EEA1: variants seen among roughly 807,000 people sequenced by gnomAD.
EEA1 encodes the protein early endosome antigen 1, 162kD.
Under a neutral mutation model 209.2 loss-of-function variants are expected in EEA1, and 111 were observed. That is an observed-to-expected ratio of 0.53 (90% CI 0.45 to 0.62). EEA1 has a LOEUF of 0.62. EEA1 is among the 20% of genes least tolerant of loss of function. The pLI is 0.00. For missense variants in EEA1, 1,343 were observed against 1,530.8 expected, an observed-to-expected ratio of 0.88 and a Z score of 2.05; for synonymous variants, 536 against 540.6, an observed-to-expected ratio of 0.99 and a Z score of 0.12.
At chr12:92,875,079 G>T (rs1185068370) in intron 2 of EEA1, among the ~76,000 whole-genome samples, 1 of 152,132 alleles carries the variant, frequency 6.6e-6, no homozygotes, top group Non-Finnish European at 1.5e-5. Flanking sequence ...GTGGTATGGT[G>T]CTAAGAATAC....
chr12:92,776,729 T>G (rs1481518149), intron 28 of EEA1, 115 bp downstream of exon 28: 1 of 965,234 alleles, frequency 1.0e-6, no homozygotes, highest in East Asian at 2.5e-5. Flanking sequence ...TGTTAAAGTT[T>G]ACTGATAAAC....
chr12:92,779,998 T>C (rs1873834142), intron 24 of EEA1, among the ~76,000 whole-genome samples: 1 of 152,154 alleles, frequency 6.6e-6, no homozygotes. Context: ...AGCATAATTT[T>C]CTAAATCAAT....
chr12:92,834,353 G>A (rs1876810487), intron 10 of EEA1, among the ~76,000 whole-genome samples: 1 of 151,950 alleles, frequency 6.6e-6, no homozygotes, highest in South Asian at 2.1e-4. Flanking sequence ...AGACCAGCCT[G>A]GGCAATATAG....
intron 18 of EEA1, among the ~76,000 whole-genome samples, chr12:92,806,275 T>C (rs978517422): frequency 1.3e-5 from 2 of 152,192 alleles, no homozygotes; most frequent in African/African-American, 4.8e-5. Context: ...AATTGATTTT[T>C]AAAAAGACAA....
chr12:92,887,613 G>A (rs1457156342), intron 2 of EEA1, among the ~76,000 whole-genome samples: 2 of 151,864 alleles, frequency 1.3e-5, no homozygotes, highest in African/African-American at 4.8e-5. Flanking sequence ...CTATGACCAC[G>A]CTCCAGCCCA....
rs1877678984 is a variant in EEA1 at position 92,852,600 on chromosome 12, T to A, written c.521-304A>T. 2.0e-5 allele frequency among the ~76,000 whole-genome samples: 3 copies of A among 152,146 alleles called. No homozygotes were observed. The South Asian group carries it at 6.2e-4, about 31-fold the overall frequency. On this transcript the variant is annotated intron_variant, in intron 7 of 28. Coordinates refer to ENST00000322349, the MANE Select transcript of EEA1 (RefSeq NM_003566.4). ...ATAGTATAACCAAGTGTTACATTTA[T>A]ACTACATTATTTACTTCACTTCTTT... is the stretch of plus-strand genomic sequence containing the variant.
chr12:92,916,753 T>C (rs1257173436), intron 1 of EEA1, among the ~76,000 whole-genome samples: 1 of 127,952 alleles, frequency 7.8e-6, no homozygotes, highest in Non-Finnish European at 1.7e-5. Flanking sequence ...AGAATGACTT[T>C]GACGAGCTGA....
chr12:92,795,996 T>C (rs546690432), intron 21 of EEA1, among the ~76,000 whole-genome samples: 1 of 152,250 alleles, frequency 6.6e-6, no homozygotes, highest in East Asian at 1.9e-4. Flanking sequence ...CATTCATTCA[T>C]TTTTTTAAAA....
chr12:92,805,757 G>C (rs1875173947), intron 18 of EEA1, among the ~76,000 whole-genome samples: 1 of 152,104 alleles, frequency 6.6e-6, no homozygotes, highest in Non-Finnish European at 1.5e-5. Context: ...TGATGCTGCA[G>C]CTAAGCACTT....
intron 1 of EEA1, among the ~76,000 whole-genome samples, chr12:92,898,943 T>C (rs1880033429): frequency 7.1e-6 from 1 of 140,112 alleles, no homozygotes. Flanking sequence ...ACAGGTATCT[T>C]ACTCATGAGT....
intron 3 of EEA1, chr12:92,858,944 A>G: frequency 1.4e-6 from 1 of 701,150 alleles, no homozygotes; most frequent in Non-Finnish European, 2.6e-6. Flanking sequence ...TGAGGAAAGG[A>G]TTATACTAAG....
chr12:92,928,966 A>AG, intron 1 of EEA1, 77 bp downstream of exon 1: 1 of 1,466,350 alleles, frequency 6.8e-7, no homozygotes, highest in Non-Finnish European at 9.2e-7. Context: ...CGCGCTGAGG[A>AG]GGGGCGCCCG....
intron 2 of EEA1, among the ~76,000 whole-genome samples, chr12:92,885,442 C>G (rs1189192159): frequency 6.6e-6 from 1 of 152,162 alleles, no homozygotes; most frequent in Non-Finnish European, 1.5e-5. Flanking sequence ...GAGACAGAGA[C>G]AGAGACCAAC....
chr12:92,909,909 G>A (rs933855500), intron 1 of EEA1, among the ~76,000 whole-genome samples: 3 of 152,126 alleles, frequency 2.0e-5, no homozygotes, highest in African/African-American at 4.8e-5. Flanking sequence ...TTGGGAGACC[G>A]AGAAGGGTAG....
chr12:92,858,604 C>A, intron 3 of EEA1: 2 of 742,986 alleles, frequency 2.7e-6, no homozygotes, highest in South Asian at 1.4e-5. Context: ...TGGCACTTTG[C>A]CTGGGTTATG....
intron 17 of EEA1, among the ~76,000 whole-genome samples, chr12:92,810,349 T>C (rs1169030757): frequency 1.3e-5 from 2 of 152,148 alleles, no homozygotes; most frequent in African/African-American, 4.8e-5. Context: ...ATAACCACTA[T>C]TTTTAATAGG....
intron 11 of EEA1, 77 bp downstream of exon 11, chr12:92,832,435 T>C: frequency 2.2e-6 from 3 of 1,357,256 alleles, no homozygotes; most frequent in Non-Finnish European, 3.0e-6. Context: ...TGAACTATAT[T>C]ATGATCAAAT....
chr12:92,900,085 T>A (rs762570580), intron 1 of EEA1, among the ~76,000 whole-genome samples: 1 of 152,180 alleles, frequency 6.6e-6, no homozygotes, highest in Non-Finnish European at 1.5e-5. Context: ...AAACCTACTA[T>A]GCTGATCCTA....
Position 92,780,363 on chromosome 12 carries a change from T to C in EEA1, c.3385A>G (p.Ile1129Val), listed in dbSNP as rs772568284. The C allele has an allele frequency of 5.0e-6, 8 of 1,593,244 alleles. No individual in the cohort carries two copies. In the South Asian group the frequency reaches 9.1e-5, roughly 18 times the overall value. ...LVNEKSKLAE[I>V]EEIKCRQEKE... ...TCTTGTCTACATTTAATTTCTTCTA[T>C]CTCTGCCAATTTAGACTTCTCATTT... The change falls in exon 24 of 29, where the codon ATA (isoleucine) becomes GTA (valine). Residue 1129 changes from isoleucine to valine, a missense_variant. This residue lies in a region of EEA1 where 1,307 missense variants were observed against 1,465.5 expected (regional missense o/e 0.89). Transcript: ENST00000322349.
Sources: allele counts gnomAD v4.1 joint callset (sites outside exome capture counted in the v4.1 genomes callset), GRCh38; gene constraint gnomAD v4.1.1; regional missense constraint gnomAD v4.1.1; transcripts MANE v1.5; gene names NCBI Gene and HGNC (gene_info 2026-07-23, HGNC 2026-07-21).